The following RHPN1 variants were observed in gnomAD, a reference collection of about 807,000 sequenced individuals.
The protein encoded by RHPN1 is rhophilin-1.
In RHPN1, 77 loss-of-function variants were observed where a neutral mutation model predicts 74.7. The observed-to-expected ratio is 1.03, with a 90% CI of 0.86 to 1.25. The LOEUF is 1.25. RHPN1 is among the 50% of genes most tolerant of loss of function. RHPN1 has a pLI of 0.00. For missense variants in RHPN1, 987 were observed against 932.2 expected (o/e 1.06, Z -0.77); for synonymous variants, 444 against 414.5 (o/e 1.07, Z -0.87).
chr8:143,381,375 G>T (rs1266929094), intron 12 of RHPN1, 31 bp downstream of exon 12: 2 of 1,578,894 alleles, frequency 1.3e-6, no homozygotes, highest in South Asian at 1.1e-5. Context: ...GCACCGCCCA[G>T]CATGGGCAGC....
chr8:143,378,281 G>A lies in RHPN1; in HGVS notation c.394G>A (p.Val132Met). ...WSTPLKELISVHFGEDGASYE... is the reference protein window; with the variant it reads ...WSTPLKELISMHFGEDGASYE... ...TGCCCCCCATCAGGAGCTGATCTCA[G>A]TGCACTTTGGAGAGGACGGCGCCTC... The change falls in exon 5 of 15, where the codon GTG becomes ATG. Residue 132 changes from valine to methionine, a missense_variant. Physicochemically the swap from Val to Met is conservative, Grantham distance 21. Coordinates refer to ENST00000289013, the MANE Select transcript of RHPN1 (RefSeq NM_052924.3). 2 of 1,574,206 alleles carry A rather than the reference G, an allele frequency of 1.3e-6. No homozygotes were observed. Among genetic ancestry groups the A allele is most frequent in the Non-Finnish European group, 1.7e-6 (2 of 1,160,144 alleles).
At chr8:143,372,453 A>G (rs949245381) in intron 1 of RHPN1, among the ~76,000 whole-genome samples, 6 of 151,600 alleles carry the variant, frequency 4.0e-5, no homozygotes, top group African/African-American at 1.5e-4. Flanking sequence ...GGAGTGAGAA[A>G]CGGGAGCAGG....
intron 11 of RHPN1, 30 bp from the exon 12 acceptor site, chr8:143,381,238 C>A: frequency 1.3e-6 from 2 of 1,592,822 alleles, no homozygotes; most frequent in Non-Finnish European, 1.7e-6. Context: ...CACAGTCTCC[C>A]AGCTTAGCTC....
intron 3 of RHPN1, 21 bp from the exon 4 acceptor site, chr8:143,377,359 A>C (rs747607440): frequency 6.2e-7 from 1 of 1,607,362 alleles, no homozygotes; most frequent in Non-Finnish European, 8.5e-7. Flanking sequence ...TACAGTCTGA[A>C]GTCGATGCTT....
intron 1 of RHPN1, among the ~76,000 whole-genome samples, chr8:143,372,740 C>T (rs1410580941): frequency 2.0e-5 from 3 of 148,038 alleles, no homozygotes; most frequent in Non-Finnish European, 4.5e-5. Flanking sequence ...GGGGATGGTG[C>T]GGGTGTCCAG....
In RHPN1 at chr8:143,382,683, C is replaced by T. The variant is rs764459993; in HGVS notation, c.*32C>T. On this transcript the variant is annotated 3_prime_UTR_variant, in exon 15 of 15. Transcript: ENST00000289013. ...GGATCCCTGCACGCCTCAGCCCTGGCTCCAGCTGGCAGCAAGCACCGAGCA... is the reference window on the plus strand; with the variant it reads ...GGATCCCTGCACGCCTCAGCCCTGGTTCCAGCTGGCAGCAAGCACCGAGCA... 10 of 1,563,216 alleles carry T rather than the reference C, an allele frequency of 6.4e-6. No individual in the cohort carries two copies. The highest frequency in any genetic ancestry group is 8.7e-6 in the Non-Finnish European group (10 of 1,150,134).
At chr8:143,365,113 T>C (rs965163380), upstream of RHPN1, among the ~76,000 whole-genome samples, 14 of 152,182 alleles carry the variant, frequency 9.2e-5, no homozygotes, top group African/African-American at 3.4e-4. Context: ...TTCTTGGGGT[T>C]TAGCCAGTCC....
rs1184475626 is a variant in RHPN1, at chr8:143,383,433, C to T, written c.*782C>T. Reference sequence around the variant, plus strand: ...GCATGGGCCCCCAGCCCTCCCCAGCCTGCTTGGGCCGCTCCTGCTGGCCTC... The same window carrying T: ...GCATGGGCCCCCAGCCCTCCCCAGCTTGCTTGGGCCGCTCCTGCTGGCCTC... On this transcript the variant is annotated 3_prime_UTR_variant, in exon 15 of 15. Transcript: ENST00000289013. 2 of 152,382 alleles carry T rather than the reference C, an allele frequency of 1.3e-5. No homozygotes were observed. Among genetic ancestry groups the T allele is most frequent in the Admixed American group, 1.3e-4 (2 of 15,286 alleles). The allele number at this position is 152,382 out of a possible 1,614,324, so 9.4% of individuals were successfully genotyped here. A position where few individuals can be genotyped will look rare whatever the true frequency, so the allele number is the denominator to read the frequency against.
intron 5 of RHPN1, 57 bp downstream of exon 5, chr8:143,378,403 G>C (rs1818437585): frequency 8.8e-7 from 1 of 1,130,012 alleles, no homozygotes; most frequent in South Asian, 1.3e-5. Context: ...ACATGCGGAG[G>C]CTGAAGCTGA....
chr8:143,369,462 A>G (rs760966080), intron 1 of RHPN1, among the ~76,000 whole-genome samples: 6 of 152,146 alleles, frequency 3.9e-5, no homozygotes, highest in Non-Finnish European at 7.4e-5. Context: ...CATTGGGTGC[A>G]CTGGTAGCAG....
At chr8:143,376,704 C>T (rs3812439) in intron 3 of RHPN1, 51 bp downstream of exon 3, 236,139 of 1,518,496 alleles carry the variant, frequency 0.16, 14,907 homozygotes, top group East Asian at 0.22. Context: ...TGCACGTGTG[C>T]GTGTGTGTGT....
At chr8:143,364,367 G>C (rs1419076872), upstream of RHPN1, among the ~76,000 whole-genome samples, 1 of 144,738 alleles carries the variant, frequency 6.9e-6, no homozygotes, top group African/African-American at 2.5e-5. This position sits in a 1 kb window ranked among gnomAD's most constrained non-coding sequence, Gnocchi z 4.5. Flanking sequence ...TCAGCACCCA[G>C]GAGGGACATG....
At chr8:143,376,767 T>C in intron 3 of RHPN1, 114 bp downstream of exon 3, 1 of 1,221,442 alleles carries the variant, frequency 8.2e-7, no homozygotes, top group South Asian at 1.4e-5. Context: ...GCATTGTCTG[T>C]GTGTGTGCGT....
intron 1 of RHPN1, among the ~76,000 whole-genome samples, chr8:143,371,667 C>G (rs1042096924): frequency 8.5e-5 from 13 of 152,242 alleles, no homozygotes; most frequent in African/African-American, 2.9e-4. Flanking sequence ...CTTCGTCCCT[C>G]TCCATCGAGG....
At position 143,379,836 on chromosome 8, in the gene RHPN1, C is replaced by T. The variant is rs1818579234; in HGVS notation, c.953C>T (p.Ala318Val). 1.2e-6 allele frequency: 2 copies of T among 1,608,488 alleles called. No individual in the cohort carries two copies. The highest frequency in any genetic ancestry group is 1.3e-5 in the African/African-American group (1 of 74,954). Reference sequence around the variant, plus strand: ...TGCCACATCCACCGGCAGGTGGCAGCCGAGTACAGGCTAGTGCACCGGACC... The same window carrying T: ...TGCCACATCCACCGGCAGGTGGCAGTCGAGTACAGGCTAGTGCACCGGACC... Reference protein sequence around the residue: ...RLAQEAAQVAAEYRLVHRTMA... With the variant: ...RLAQEAAQVAVEYRLVHRTMA... The change falls in exon 9 of 15, where the codon GCC becomes GTC. Residue 318 changes from alanine (A) to valine (V), a missense_variant. Ala to Val is a moderately conservative substitution (Grantham distance 64). Transcript: ENST00000289013.
intron 1 of RHPN1, among the ~76,000 whole-genome samples, chr8:143,372,716 G>A (rs992745144): frequency 4.6e-5 from 7 of 151,470 alleles, no homozygotes; most frequent in South Asian, 2.1e-4. Context: ...GGAGGCTGCC[G>A]GCCTGGGTGT....
intron 1 of RHPN1, 133 bp downstream of exon 1, chr8:143,369,180 C>G (rs1817666506): frequency 1.6e-6 from 1 of 615,680 alleles, no homozygotes; most frequent in African/African-American, 2.0e-5. Context: ...GAAACTGAGG[C>G]CAGAGCCTGC....
At chr8:143,368,687 C>G (rs907608877), upstream of RHPN1, 1 of 234,462 alleles carries the variant, frequency 4.3e-6, no homozygotes, top group African/African-American at 2.3e-5. Context: ...GTTACCGTCC[C>G]GCGGGCGGGC....
rs370651491 is a variant in RHPN1, at chr8:143,381,954, A to G, written c.1783A>G (p.Arg595Gly). The G allele has an allele frequency of 5.0e-6, 8 of 1,597,878 alleles. No individual in the cohort carries two copies. The highest frequency in any genetic ancestry group is 1.7e-5 in the Admixed American group (1 of 58,928). ...LQVVSLLPSS[R>G]LPSLGDRRPV... ...GGTGGTGTCGCTGCTGCCCAGCTCT[A>G]GACTGCCCAGCTTGGTGAGCCCCTG... Residue 595 changes from arginine to glycine, a missense_variant, in exon 14 of 15, where the codon AGA (arginine) becomes GGA (glycine). Physicochemically the swap from Arg to Gly is moderately radical, Grantham distance 125. Coordinates refer to ENST00000289013, the MANE Select transcript of RHPN1 (RefSeq NM_052924.3).
Sources: allele counts gnomAD v4.1 joint callset (sites outside exome capture counted in the v4.1 genomes callset), GRCh38; gene constraint gnomAD v4.1.1; non-coding constraint Gnocchi (gnomAD v3.1); transcripts MANE v1.5; gene names NCBI Gene and HGNC (gene_info 2026-07-23, HGNC 2026-07-21).